Variants in PCDH15 observed in about 807,000 individuals in gnomAD.
The protein encoded by PCDH15 is protocadherin related 15.
PCDH15 carries 129 observed loss-of-function variants against 178.5 expected under a neutral mutation model. That is an observed-to-expected ratio of 0.72 (90% CI 0.63 to 0.84). The LOEUF (loss-of-function observed/expected upper bound fraction) is 0.84. Among genes scored for constraint, PCDH15 ranks in the 40% least tolerant of loss-of-function variants. The probability of loss-of-function intolerance (pLI) is 0.00; values close to 1 mark genes in which losing one functional copy is unlikely to be tolerated. For missense variants in PCDH15, 2,230 were observed against 2,099.9 expected, an observed-to-expected ratio of 1.06 and a Z score of -1.21; for synonymous variants, 800 against 732.0, an observed-to-expected ratio of 1.09 and a Z score of -1.50.
chr10:55,322,664 C>G (rs994790507), upstream of PCDH15, among the ~76,000 whole-genome samples: 1 of 151,922 alleles, frequency 6.6e-6, no homozygotes, highest in Non-Finnish European at 1.5e-5. Flanking sequence ...CACATGTTGC[C>G]CCTACCCTAG....
intron 28 of PCDH15, among the ~76,000 whole-genome samples, chr10:53,852,414 A>G (rs940976892): frequency 6.6e-6 from 1 of 152,138 alleles, no homozygotes. Flanking sequence ...TGTTGAATAT[A>G]TTAATCTAAT....
chr10:55,556,228 AT>A (rs1424517050), intron 2 of PCDH15, among the ~76,000 whole-genome samples: 1 of 152,088 alleles, frequency 6.6e-6, no homozygotes, highest in Non-Finnish European at 1.5e-5. Context: ...GCTTTTCCAA[AT>A]TTTTGATAAG....
intron 9 of PCDH15, among the ~76,000 whole-genome samples, chr10:54,224,425 T>TA (rs2053210334): frequency 6.6e-6 from 1 of 152,142 alleles, no homozygotes; most frequent in Non-Finnish European, 1.5e-5. Flanking sequence ...ATCCCTTATT[T>TA]ATCCCACTTA....
chr10:55,613,002 A>G (rs1247359728), intron 2 of PCDH15, among the ~76,000 whole-genome samples: 1 of 150,206 alleles, frequency 6.7e-6, no homozygotes, highest in African/African-American at 2.5e-5. Flanking sequence ...TCTCCAATAC[A>G]TATTTACTAG....
intron 1 of PCDH15, among the ~76,000 whole-genome samples, chr10:55,185,084 C>T (rs1359593741): frequency 6.6e-6 from 1 of 151,802 alleles, no homozygotes; most frequent in Non-Finnish European, 1.5e-5. Context: ...ATATTAAAAA[C>T]ATTTTTGAAG....
intron 2 of PCDH15, among the ~76,000 whole-genome samples, chr10:54,617,799 A>T (rs1296242950): frequency 6.7e-6 from 1 of 149,978 alleles, no homozygotes; most frequent in Non-Finnish European, 1.5e-5. Flanking sequence ...AGTGGCGGGC[A>T]CCTATAATCT....
chr10:54,369,047 A>G (rs935378800), intron 5 of PCDH15, 73 bp downstream of exon 5: 1 of 1,508,574 alleles, frequency 6.6e-7, no homozygotes, highest in Non-Finnish European at 9.1e-7. Context: ...GGAATCATTT[A>G]TAAACATTTA....
At chr10:55,301,384 T>C (rs1425150367) in intron 1 of PCDH15, among the ~76,000 whole-genome samples, 1 of 152,164 alleles carries the variant, frequency 6.6e-6, no homozygotes, top group African/African-American at 2.4e-5. Flanking sequence ...TTCATGTGCT[T>C]AATTGCTTAT....
At chr10:53,912,418 A>G (rs2083175137) in intron 25 of PCDH15, among the ~76,000 whole-genome samples, 1 of 152,216 alleles carries the variant, frequency 6.6e-6, no homozygotes, top group African/African-American at 2.4e-5. Context: ...ACTCCTATTC[A>G]ACATAGTGTT....
At chr10:55,607,809 T>C (rs1390363704) in intron 2 of PCDH15, among the ~76,000 whole-genome samples, 2 of 146,190 alleles carry the variant, frequency 1.4e-5, no homozygotes, top group African/African-American at 2.5e-5. Context: ...GATGACAAGT[T>C]AGTGGGTGCA....
chr10:55,372,863 T>C (rs1393777487), intron 2 of PCDH15, among the ~76,000 whole-genome samples: 2 of 152,138 alleles, frequency 1.3e-5, no homozygotes, highest in Non-Finnish European at 2.9e-5. Context: ...AGTAAACATA[T>C]ATCCACGTAA....
chr10:54,976,178 A>G (rs1321552311), intron 2 of PCDH15, among the ~76,000 whole-genome samples: 1 of 152,186 alleles, frequency 6.6e-6, no homozygotes, highest in Admixed American at 6.6e-5. Context: ...AAGTTGTAGA[A>G]GATGAGAAAA....
intron 1 of PCDH15, among the ~76,000 whole-genome samples, chr10:54,738,413 C>T (rs113359365): frequency 3.3e-5 from 5 of 151,812 alleles, no homozygotes; most frequent in African/African-American, 1.2e-4. Flanking sequence ...TTTTTATGGT[C>T]GTCAGGGTGG....
At chr10:54,077,225 T>C in intron 17 of PCDH15, among the ~76,000 whole-genome samples, 1 of 152,072 alleles carries the variant, frequency 6.6e-6, no homozygotes, top group East Asian at 1.9e-4. Flanking sequence ...TAAAGCAAAA[T>C]GAAACCTGAG....
chr10:55,504,603 T>A (rs1840723150), intron 2 of PCDH15, among the ~76,000 whole-genome samples: 1 of 151,176 alleles, frequency 6.6e-6, no homozygotes, highest in African/African-American at 2.4e-5. Flanking sequence ...AGAAGTAGAA[T>A]TTTTCTCAAC....
At chr10:54,223,524 TTTCC>T (rs2053100385) in intron 9 of PCDH15, among the ~76,000 whole-genome samples, 1 of 150,198 alleles carries the variant, frequency 6.7e-6, no homozygotes, top group African/African-American at 2.4e-5. Flanking sequence ...AAGATTAACT[TTTCC>T]TTCTTTTAAT....
chr10:54,125,930 C>T (rs1393079245), intron 15 of PCDH15, among the ~76,000 whole-genome samples: 1 of 151,926 alleles, frequency 6.6e-6, no homozygotes, highest in African/African-American at 2.4e-5. Flanking sequence ...GGAATGTATC[C>T]ATTCTCCTCT....
chr10:53,910,497 C>A (rs758911656), intron 25 of PCDH15, among the ~76,000 whole-genome samples: 5 of 152,110 alleles, frequency 3.3e-5, no homozygotes, highest in Non-Finnish European at 7.3e-5. Flanking sequence ...CACCAAAACC[C>A]CATCTGTACG....
chr10:54,929,650 A>G (rs891496078), intron 2 of PCDH15, among the ~76,000 whole-genome samples: 2 of 152,160 alleles, frequency 1.3e-5, no homozygotes, highest in African/African-American at 4.8e-5. Context: ...TTTACAACTG[A>G]CAGAAAATAA....
Sources: gnomAD v4.1 joint callset for allele counts (sites outside exome capture counted in the v4.1 genomes callset) on GRCh38, gnomAD v4.1.1 for gene constraint, MANE v1.5 for transcripts, NCBI Gene and HGNC (gene_info 2026-07-23, HGNC 2026-07-21) for gene names.